The following RBBP8 variants were observed in gnomAD, a reference collection of about 807,000 sequenced individuals.
RBBP8 encodes the protein DNA endonuclease RBBP8.
RBBP8 carries 88 observed loss-of-function variants against 108.3 expected under a neutral mutation model. The ratio of observed to expected loss-of-function variants is 0.81; its 90% CI spans 0.68 to 0.97. RBBP8 has a LOEUF of 0.97. Ranked by LOEUF, RBBP8 falls within the 50% of genes least tolerant of loss-of-function variation. The pLI is 0.00. For synonymous variants in RBBP8, 332 were observed against 348.2 expected (o/e 0.95, Z 0.52); for missense variants, 1,023 against 1,049.0 (o/e 0.98, Z 0.34).
chr18:23,019,520 T>C (rs552042515), intron 17 of RBBP8, among the ~76,000 whole-genome samples: 2 of 152,312 alleles, frequency 1.3e-5, no homozygotes, highest in Admixed American at 1.3e-4. Context: ...GGATCTGAGA[T>C]AGTGATCTCA....
chr18:22,976,120 T>C (rs1598692831), intron 6 of RBBP8, among the ~76,000 whole-genome samples: 1 of 152,144 alleles, frequency 6.6e-6, no homozygotes, highest in Non-Finnish European at 1.5e-5. Context: ...TGGCTTAGAA[T>C]AGTTATTTTT....
chr18:22,994,417 T>C (rs76299764), intron 12 of RBBP8, among the ~76,000 whole-genome samples: 148,382 of 148,406 alleles, frequency 1, 74,179 homozygotes, highest in Middle Eastern at 1. Context: ...CCGACGCTGG[T>C]GGATCACGAT....
intron 2 of RBBP8, 79 bp from the exon 3 acceptor site, chr18:22,946,365 C>A (rs1911559242): frequency 1.3e-6 from 2 of 1,577,900 alleles, no homozygotes; most frequent in African/African-American, 2.7e-5. Flanking sequence ...AGAGGCCAGA[C>A]TGATGTGACT....
intron 17 of RBBP8, among the ~76,000 whole-genome samples, chr18:23,017,279 C>T (rs2046272514): frequency 6.6e-6 from 1 of 151,000 alleles, no homozygotes; most frequent in Admixed American, 6.6e-5. Flanking sequence ...CGCTTGAACC[C>T]GGGAGGTGGA....
At chr18:22,921,095 C>T (rs1221110358) in intron 3 of RBBP8, among the ~76,000 whole-genome samples, 1 of 152,134 alleles carries the variant, frequency 6.6e-6, no homozygotes, top group African/African-American at 2.4e-5. Flanking sequence ...TCTCAAGTTT[C>T]CCCTTTTACT....
chr18:22,948,156 G>A (rs1183911975), intron 3 of RBBP8, among the ~76,000 whole-genome samples: 1 of 152,006 alleles, frequency 6.6e-6, no homozygotes, highest in Non-Finnish European at 1.5e-5. Flanking sequence ...TAAGGCAAAT[G>A]TGTGTAAATT....
chr18:22,953,768 T>G (rs1381513515), intron 4 of RBBP8, among the ~76,000 whole-genome samples: 1 of 151,956 alleles, frequency 6.6e-6, no homozygotes, highest in Non-Finnish European at 1.5e-5. Context: ...CCTGTATTAG[T>G]CCATTTTCAC....
intron 4 of RBBP8, among the ~76,000 whole-genome samples, chr18:22,961,393 T>C (rs938292482): frequency 2.6e-5 from 4 of 152,180 alleles, no homozygotes; most frequent in Non-Finnish European, 2.9e-5. Flanking sequence ...GCTCCATAGG[T>C]TCAAGGCATA....
In RBBP8 at chr18:22,916,155, T is replaced by A. The variant is rs115862979; in HGVS notation, c.-240+670T>A. On this transcript the variant is annotated intron_variant, in intron 2 of 4. Coordinates refer to the RBBP8 transcript ENST00000577588. ...CAAAAAGTATTCCACTCATTTAAAA[T>A]TTTTTTACTCTTTTAGTCGAGGATG... is the stretch of plus-strand genomic sequence containing the variant. Among the ~76,000 whole-genome samples the A allele has an allele frequency of 5.5e-3, 836 of 152,200 alleles. 6 individuals are homozygous for A. The highest frequency in any genetic ancestry group is 0.02 in the African/African-American group (812 of 41,546).
chr18:22,986,209 G>A (rs1425994165), intron 8 of RBBP8, among the ~76,000 whole-genome samples: 1 of 152,042 alleles, frequency 6.6e-6, no homozygotes, highest in East Asian at 1.9e-4. Flanking sequence ...AGAAGGAGCT[G>A]CCAATGAGAT....
chr18:22,937,185 A>C, intron 2 of RBBP8: 1 of 809,972 alleles, frequency 1.2e-6, no homozygotes, highest in Non-Finnish European at 1.8e-6. Context: ...TAGTTTTTCA[A>C]TCCCCACCCT....
chr18:22,942,343 G>A (rs190103981), intron 2 of RBBP8, among the ~76,000 whole-genome samples: 55 of 152,132 alleles, frequency 3.6e-4, no homozygotes, highest in African/African-American at 1.2e-3. Context: ...AATTATTTTT[G>A]CCTCTTTTGC....
intron 7 of RBBP8, among the ~76,000 whole-genome samples, chr18:22,983,149 A>C (rs1464853140): frequency 1.3e-5 from 2 of 152,238 alleles, no homozygotes; most frequent in Non-Finnish European, 2.9e-5. Context: ...TAGTCCCAAA[A>C]TTTGTTATGT....
intron 4 of RBBP8, among the ~76,000 whole-genome samples, chr18:22,964,379 T>TG (rs1001800701): frequency 2.0e-5 from 3 of 150,804 alleles, no homozygotes; most frequent in Non-Finnish European, 3.0e-5. Context: ...TTAGGTTTTT[T>TG]TTTTTTTTTT....
At chr18:22,939,159 TTAAAACA>T in intron 2 of RBBP8, among the ~76,000 whole-genome samples, 1 of 152,290 alleles carries the variant, frequency 6.6e-6, no homozygotes, top group African/African-American at 2.4e-5. Context: ...TGGAGTACTA[TTAAAACA>T]TAATCAACCT....
At position 23,001,700 on chromosome 18, in the gene RBBP8, A is replaced by C; in HGVS notation, c.2258A>C (p.Glu753Ala). 6.2e-7 allele frequency: 1 copy of C among 1,614,148 alleles called. No homozygotes were observed. Among genetic ancestry groups the C allele is most frequent in the Non-Finnish European group, 8.5e-7 (1 of 1,180,010 alleles). ...SFSQAADEEE[E>A]LSTATKKLHT... ...TCCCAAGCAGCAGATGAAGAGGAGGAATTGTCTACTGCCACAAAGAAACTA... is the reference window on the plus strand; with the variant it reads ...TCCCAAGCAGCAGATGAAGAGGAGGCATTGTCTACTGCCACAAAGAAACTA... The change falls in exon 15 of 19, where the codon GAA (glutamate) becomes GCA (alanine). Residue 753 changes from glutamate to alanine, a missense_variant. Transcript: ENST00000327155.
At chr18:22,933,149 T>TG (rs1910144853), upstream of RBBP8, among the ~76,000 whole-genome samples, 2 of 152,214 alleles carry the variant, frequency 1.3e-5, no homozygotes, top group Non-Finnish European at 2.9e-5. Flanking sequence ...AATTCAGAAA[T>TG]GCTGTGGCGG....
rs1370461628 is a variant in RBBP8 at position 23,016,903 on chromosome 18, C to T, written c.2433C>T (p.His811=). ...KKEERRKLLG[H]TCKECEIYYA... ...AGGAGAGAAGAAAACTGCTTGGGCA[C>T]ACGTGTAAGGAATGTGAAATTGTAA... The change falls in exon 17 of 19, where the codon CAC becomes CAT. Residue 811 remains histidine (H), a synonymous_variant. Transcript: ENST00000327155. 1.2e-6 allele frequency: 2 copies of T among 1,613,280 alleles called. No homozygotes were observed. The highest frequency in any genetic ancestry group is 1.7e-6 in the Non-Finnish European group (2 of 1,179,444).
At chr18:22,959,442 C>T (rs1327465385) in intron 4 of RBBP8, among the ~76,000 whole-genome samples, 1 of 151,778 alleles carries the variant, frequency 6.6e-6, no homozygotes, top group Non-Finnish European at 1.5e-5. Flanking sequence ...TCCTTCATTG[C>T]ACTGGACACT....
Sources: allele counts gnomAD v4.1 joint callset (sites outside exome capture counted in the v4.1 genomes callset), GRCh38; gene constraint gnomAD v4.1.1; transcripts MANE v1.5; gene names NCBI Gene and HGNC (gene_info 2026-07-23, HGNC 2026-07-21).